Variants in GRIK3 observed in about 807,000 individuals in gnomAD.
GRIK3 encodes glutamate ionotropic receptor kainate type subunit 3.
GRIK3 carries 29 observed loss-of-function variants against 102.5 expected under a neutral mutation model. The observed-to-expected ratio is 0.28, with a 90% CI of 0.21 to 0.39. The LOEUF is 0.39. GRIK3 is among the 10% of genes least tolerant of loss of function. The probability of loss-of-function intolerance (pLI) is 1.00; values close to 1 mark genes in which losing one functional copy is unlikely to be tolerated. For missense variants in GRIK3, 908 were observed against 1,252.4 expected, an observed-to-expected ratio of 0.73 and a Z score of 4.15; for synonymous variants, 511 against 504.9, an observed-to-expected ratio of 1.01 and a Z score of -0.16.
chr1:36,946,624 A>T (rs1313756616), intron 1 of GRIK3, among the ~76,000 whole-genome samples: 2 of 152,188 alleles, frequency 1.3e-5, no homozygotes, highest in African/African-American at 4.8e-5. Flanking sequence ...ACAATACCAC[A>T]AACAGTAATA....
rs1166359288 is a variant in GRIK3, at chr1:36,850,989, T to A, written c.1213-565A>T. Among the ~76,000 whole-genome samples, 1 of 152,236 alleles carries A rather than the reference T, an allele frequency of 6.6e-6. No homozygotes were observed. Among genetic ancestry groups the A allele is most frequent in the African/African-American group, 2.4e-5 (1 of 41,456 alleles). The stretch of plus-strand genomic sequence containing the variant: ...ACAGCGTCCTTGTGGATATCGGGCC[T>A]GAGGCTAGAGGTAGAGAAGGAAAGG... On this transcript the variant is annotated intron_variant, in intron 8 of 15. Coordinates refer to ENST00000373091, the MANE Select transcript of GRIK3 (RefSeq NM_000831.4). This position sits in a 1 kb window ranked among gnomAD's most constrained non-coding sequence, Gnocchi z 4.0.
intron 13 of GRIK3, among the ~76,000 whole-genome samples, chr1:36,809,530 A>G (rs191008307): frequency 2.0e-5 from 3 of 152,324 alleles, no homozygotes; most frequent in Admixed American, 6.5e-5. Flanking sequence ...TAACTTGACA[A>G]TGAATCACTC....
In GRIK3 at chr1:36,866,340, G is replaced by C. The variant is rs75931500; in HGVS notation, c.786+3408C>G. Among the ~76,000 whole-genome samples the C allele has an allele frequency of 1.8e-4, 27 of 152,340 alleles. 1 individual carries two copies. In the East Asian group the frequency reaches 5.2e-3, roughly 29 times the overall value. ...AGGAGGCCAGGGAACACTTGGTGTG[G>C]ACTTTCAGCATGATAGGTTTCAGCA... is the stretch of plus-strand genomic sequence containing the variant. On this transcript the variant is annotated intron_variant, in intron 5 of 15. Transcript: ENST00000373091.
intron 1 of GRIK3, among the ~76,000 whole-genome samples, chr1:36,941,168 G>T (rs1353422155): frequency 6.6e-6 from 1 of 152,234 alleles, no homozygotes; most frequent in South Asian, 2.1e-4. Flanking sequence ...GATCAGGATG[G>T]ACTCTCATGA....
Position 36,973,777 on chromosome 1 carries a change from C to T in GRIK3, c.115+60217G>A, listed in dbSNP as rs552891700. Among the ~76,000 whole-genome samples the T allele has an allele frequency of 3.3e-5, 5 of 152,164 alleles. No homozygotes were observed. In the East Asian group the frequency reaches 9.7e-4, roughly 29 times the overall value. On this transcript the variant is annotated intron_variant, in intron 1 of 15. Transcript: ENST00000373091. ...AACTCTCTCAAAGCATGAAATGAGG[C>T]ATGAAAAATGATTTCAGATGACGTA...
chr1:36,956,210 G>A (rs1413161545), intron 1 of GRIK3, among the ~76,000 whole-genome samples: 1 of 152,254 alleles, frequency 6.6e-6, no homozygotes, highest in Non-Finnish European at 1.5e-5. Flanking sequence ...AGCAAGAGAG[G>A]GGAAGAGGCC....
intron 1 of GRIK3, among the ~76,000 whole-genome samples, chr1:36,950,712 G>C (rs1641835340): frequency 6.6e-6 from 1 of 152,240 alleles, no homozygotes; most frequent in Non-Finnish European, 1.5e-5. Flanking sequence ...CGATTTATCT[G>C]TTTGTTTATT....
intron 1 of GRIK3, among the ~76,000 whole-genome samples, chr1:36,966,896 G>A (rs2124353721): frequency 6.6e-6 from 1 of 152,112 alleles, no homozygotes; most frequent in African/African-American, 2.4e-5. Flanking sequence ...TATATAATAA[G>A]ACCCACTATT....
chr1:36,987,749 A>G (rs1296000891), intron 1 of GRIK3, among the ~76,000 whole-genome samples: 2 of 152,150 alleles, frequency 1.3e-5, no homozygotes, highest in African/African-American at 2.4e-5. Context: ...CAGGACCTCC[A>G]CCGACAATAG....
intron 1 of GRIK3, among the ~76,000 whole-genome samples, chr1:36,926,400 T>C (rs1641528385): frequency 6.6e-6 from 1 of 151,870 alleles, no homozygotes; most frequent in South Asian, 2.1e-4. Flanking sequence ...CCCCACTTTT[T>C]TTTTTTTTGA....
In GRIK3 at chr1:36,860,032, G is replaced by C; in HGVS notation, c.787-15C>G. On this transcript the variant is annotated splice_polypyrimidine_tract_variant and intron_variant, in intron 5 of 15. Transcript: ENST00000373091. ...GCGTAGAGATCCTGGATAGAGAGAG[G>C]TCTGTGTAAACCAAGGCATGCTCAC... is the stretch of plus-strand genomic sequence containing the variant. 2 of 1,560,830 alleles carry C rather than the reference G, an allele frequency of 1.3e-6. No homozygotes were observed. The highest frequency in any genetic ancestry group is 1.7e-6 in the Non-Finnish European group (2 of 1,153,200).
rs538611267 is a variant in GRIK3, at chr1:37,002,881, T to C, written c.115+31113A>G. 1.9e-4 allele frequency among the ~76,000 whole-genome samples: 29 copies of C among 152,184 alleles called. No homozygotes were observed. In the South Asian group the frequency reaches 2.5e-3, roughly 13 times the overall value. On this transcript the variant is annotated intron_variant, in intron 1 of 15. Coordinates refer to ENST00000373091, the MANE Select transcript of GRIK3 (RefSeq NM_000831.4). ...GTCTCAAACTCCTGGCCTCAAGTGA[T>C]CCACCCGCCTTGGCCTCCTAAAGTG...
At chr1:36,891,413 A>T (rs1641114173) in intron 1 of GRIK3, among the ~76,000 whole-genome samples, 2 of 152,222 alleles carry the variant, frequency 1.3e-5, no homozygotes, top group African/African-American at 2.4e-5. Context: ...ACATACCATG[A>T]CCACGCAGAG....
At chr1:36,976,044 G>C (rs1642193094) in intron 1 of GRIK3, among the ~76,000 whole-genome samples, 1 of 152,196 alleles carries the variant, frequency 6.6e-6, no homozygotes, top group African/African-American at 2.4e-5. Flanking sequence ...GCATCCCAAG[G>C]AGCAACCCAA....
At chr1:37,014,783 G>T (rs530883408) in intron 1 of GRIK3, among the ~76,000 whole-genome samples, 4 of 152,172 alleles carry the variant, frequency 2.6e-5, no homozygotes, top group African/African-American at 9.7e-5. Context: ...ACTCCACTGG[G>T]CATTTGAGGA....
Position 36,804,992 on chromosome 1 carries a change from C to A in GRIK3, c.2560G>T (p.Glu854Ter). ...CTCCAAGCTCTAAGGCTTACCTGCT[C>A]TCTCTCTGCTGTTTTGCGGAGCTTG... ...VYKLRKTAER[E>*]QRSFCSTVAD... Residue 854 changes from glutamate to a stop codon, truncating the protein, a stop_gained, in exon 15 of 16, where the codon GAG (glutamate) becomes TAG (stop). Coordinates refer to ENST00000373091, the MANE Select transcript of GRIK3 (RefSeq NM_000831.4). LOFTEE classifies it high-confidence loss of function. 1 of 1,614,196 alleles carries A rather than the reference C, an allele frequency of 6.2e-7. No individual in the cohort carries two copies. The highest frequency in any genetic ancestry group is 8.5e-7 in the Non-Finnish European group (1 of 1,180,026).
intron 1 of GRIK3, among the ~76,000 whole-genome samples, chr1:37,014,648 G>A (rs151169135): frequency 3.3e-5 from 5 of 152,296 alleles, no homozygotes; most frequent in African/African-American, 9.6e-5. Flanking sequence ...ACCACACCCA[G>A]TGGCCTTTGC....
chr1:36,822,020 C>T (rs1039817628), intron 11 of GRIK3, among the ~76,000 whole-genome samples: 4 of 152,220 alleles, frequency 2.6e-5, no homozygotes, highest in African/African-American at 9.6e-5. Context: ...TCAGTTCTTC[C>T]GGATCTACCT....
chr1:36,995,351 C>T (rs772922165), intron 1 of GRIK3, among the ~76,000 whole-genome samples: 2 of 152,182 alleles, frequency 1.3e-5, no homozygotes, highest in African/African-American at 2.4e-5. Context: ...TTTAAGACCC[C>T]TGCTCTCAGC....
Sources: allele counts gnomAD v4.1 joint callset (sites outside exome capture counted in the v4.1 genomes callset), GRCh38; gene constraint gnomAD v4.1.1; non-coding constraint Gnocchi (gnomAD v3.1); transcripts MANE v1.5; gene names NCBI Gene and HGNC (gene_info 2026-07-23, HGNC 2026-07-21).